The following EPHB3 variants were observed in gnomAD, a reference collection of about 807,000 sequenced individuals.
The protein encoded by EPHB3 is ephrin type-B receptor 3.
A neutral mutation model predicts 100.2 loss-of-function variants in EPHB3; 33 were observed. That is an observed-to-expected ratio of 0.33 (90% confidence interval 0.25 to 0.44). The LOEUF is 0.44. Among genes scored for constraint, EPHB3 ranks in the 20% least tolerant of loss-of-function variants. The pLI, the probability that EPHB3 is intolerant of heterozygous loss-of-function variation, is 1.00. For synonymous variants in EPHB3, 526 were observed against 554.7 expected, an observed-to-expected ratio of 0.95 and a Z score of 0.73; for missense variants, 1,045 against 1,378.3, an observed-to-expected ratio of 0.76 and a Z score of 3.83.
rs200708716 is a variant in EPHB3, at chr3:184,571,319, G to A, written c.120G>A (p.Glu40=). Residue 40 remains glutamate (E), a splice_region_variant and synonymous_variant, in exon 2 of 16, where the codon GAG becomes GAA. Coordinates refer to ENST00000330394, the MANE Select transcript of EPHB3 (RefSeq NM_004443.4). The surrounding 1 kb of genome is among the most constrained non-coding windows in gnomAD (Gnocchi z 5.0). ...CCTTTTTCTCCGTTGTTCCTCCAGA[G>A]ACCCTCATGGACACAAAATGGGTAA... is the stretch of plus-strand genomic sequence containing the variant. The part of the protein sequence containing the change: ...LLPAGCRALE[E]TLMDTKWVTS... 20 of 1,613,836 alleles carry A rather than the reference G, an allele frequency of 1.2e-5. No homozygotes were observed. The highest frequency in any genetic ancestry group is 8.3e-5 in the Admixed American group (5 of 60,004).
chr3:184,582,316 GCA>G lies in EPHB3; in HGVS notation c.*697_*698del, dbSNP rs1318035143. 1.3e-5 allele frequency: 2 copies of G among 152,834 alleles called. No homozygotes were observed. The highest frequency in any genetic ancestry group is 2.9e-5 in the Non-Finnish European group (2 of 68,416). 9.5% of individuals were successfully genotyped at this position (152,834 alleles called of 1,614,324 possible). On this transcript the variant is annotated 3_prime_UTR_variant, in exon 16 of 16. Coordinates refer to ENST00000330394, the MANE Select transcript of EPHB3 (RefSeq NM_004443.4). ...CGTGTGTGTGTGCACGCACTGGCCT[GCA>G]CAGAGAGCATGGGTGAGCGTGTAAA...
chr3:184,579,307 G>C lies in EPHB3; in HGVS notation c.1802-170G>C, dbSNP rs776413360. On this transcript the variant is annotated intron_variant, in intron 9 of 15. Transcript: ENST00000330394. This position sits in a 1 kb window ranked among gnomAD's most constrained non-coding sequence, Gnocchi z 5.2. The stretch of plus-strand genomic sequence containing the variant: ...GAGAAAAACTAGGAGTAGAATCCTA[G>C]GTGTCTAGCCTTTATGGTCACCAGG... 6.6e-6 allele frequency among the ~76,000 whole-genome samples: 1 copy of C among 152,090 alleles called. No individual in the cohort carries two copies. Among genetic ancestry groups the C allele is most frequent in the African/African-American group, 2.4e-5 (1 of 41,412 alleles).
At position 184,571,278 on chromosome 3, in the gene EPHB3, T is replaced by G. The variant is rs767754779; in HGVS notation, c.119-40T>G. On this transcript the variant is annotated intron_variant, in intron 1 of 15. Transcript: ENST00000330394. This position sits in a 1 kb window ranked among gnomAD's most constrained non-coding sequence, Gnocchi z 5.0. The stretch of plus-strand genomic sequence containing the variant: ...TGTGATCTCTTCTGTCTCCTCAACC[T>G]GAGATTAGTCCCTGACCTTTTTCTC... 1.6e-4 allele frequency: 249 copies of G among 1,591,882 alleles called. No individual in the cohort carries two copies. The highest frequency in any genetic ancestry group is 2.0e-4 in the Non-Finnish European group (230 of 1,159,934).
intron 3 of EPHB3, chr3:184,575,025 C>A: frequency 1.8e-6 from 1 of 568,674 alleles, no homozygotes; most frequent in Non-Finnish European, 2.2e-6. Flanking sequence ...GGTTTATGCC[C>A]ATTATCCTAA....
chr3:184,573,148 G>A lies in EPHB3; in HGVS notation c.828G>A (p.Glu276=), dbSNP rs772802555. The change falls in exon 3 of 16, where the codon GAG becomes GAA. Residue 276 remains glutamate (E), a synonymous_variant. Coordinates refer to ENST00000330394, the MANE Select transcript of EPHB3 (RefSeq NM_004443.4). This position sits in a 1 kb window ranked among gnomAD's most constrained non-coding sequence, Gnocchi z 4.5. ...CCTGCACCTGTGCCACCGGCCATGA[G>A]CCAGCTGCCAAGGAGTCCCAGTGCC... ...VGACTCATGH[E]PAAKESQCRP... is the part of the protein sequence containing the mutation. 3.7e-6 allele frequency: 6 copies of A among 1,612,388 alleles called. No homozygotes were observed. The Admixed American group carries it at 8.3e-5, about 22-fold the overall frequency.
At position 184,573,243 on chromosome 3, in the gene EPHB3, G is replaced by A. The variant is rs1374854806; in HGVS notation, c.856+67G>A. On this transcript the variant is annotated intron_variant, in intron 3 of 15. Transcript: ENST00000330394. The surrounding 1 kb of genome is among the most constrained non-coding windows in gnomAD (Gnocchi z 4.5). ...CTGGGCCACAGCTACCTACCGCCCC[G>A]CCCCCCACCCCTGCTTGCTATCTGA... is the stretch of plus-strand genomic sequence containing the variant. The A allele has an allele frequency of 9.5e-6, 15 of 1,579,592 alleles. No homozygotes were observed. The highest frequency in any genetic ancestry group is 6.8e-5 in the East Asian group (3 of 44,434).
rs532935222 is a variant in EPHB3 at position 184,569,529 on chromosome 3, AC to A, written c.119-1783del. On this transcript the variant is annotated intron_variant, in intron 1 of 15. Coordinates refer to ENST00000330394, the MANE Select transcript of EPHB3 (RefSeq NM_004443.4). The surrounding 1 kb of genome is among the most constrained non-coding windows in gnomAD (Gnocchi z 5.4). ...CTGAGCATCTCGGCTTCCCTCGAGT[AC>A]CCCCCAGGCCGAATGTCTGTGTCTG... Among the ~76,000 whole-genome samples, 2 of 148,338 alleles carry A rather than the reference AC, an allele frequency of 1.3e-5. No homozygotes were observed. The highest frequency in any genetic ancestry group is 3.0e-5 in the Non-Finnish European group (2 of 67,086).
intron 1 of EPHB3, among the ~76,000 whole-genome samples, chr3:184,568,108 T>G (rs1577522626): frequency 6.6e-6 from 1 of 152,142 alleles, no homozygotes; most frequent in Non-Finnish European, 1.5e-5. Context: ...CAGGACTGGA[T>G]GCTGCGCGTG....
chr3:184,575,697 C>T, intron 3 of EPHB3, 133 bp from the exon 4 acceptor site: 1 of 1,137,110 alleles, frequency 8.8e-7, no homozygotes, highest in Non-Finnish European at 1.2e-6. Context: ...GCAATCCCAG[C>T]ATTGCCCCCA....
In EPHB3 at chr3:184,562,331, C is replaced by G; in HGVS notation, c.96C>G (p.Pro32=). 1 of 1,242,840 alleles carries G rather than the reference C, an allele frequency of 8.0e-7. No individual in the cohort carries two copies. 77.0% of individuals were successfully genotyped at this position (1,242,840 alleles called of 1,614,324 possible). A position where few individuals can be genotyped will look rare whatever the true frequency, so the allele number is the denominator to read the frequency against. ...PLLLLPLLLL[P]AGCRALEETL... is the part of the protein sequence containing the mutation. Reference sequence around the variant, plus strand: ...TGCTGCTGCCGCTGCTGCTGCTGCCCGCCGGCTGCCGGGCGCTGGAAGGTG... The same window carrying G: ...TGCTGCTGCCGCTGCTGCTGCTGCCGGCCGGCTGCCGGGCGCTGGAAGGTG... Residue 32 remains proline, a synonymous_variant, in exon 1 of 16, where the codon CCC becomes CCG. Coordinates refer to ENST00000330394, the MANE Select transcript of EPHB3 (RefSeq NM_004443.4). This position sits in a 1 kb window ranked among gnomAD's most constrained non-coding sequence, Gnocchi z 4.8.
In EPHB3 at chr3:184,565,050, C is replaced by G. The variant is rs1197721885; in HGVS notation, c.118+2697C>G. The stretch of plus-strand genomic sequence containing the variant: ...CTCTCATGTACCCCCTAGTTAGATG[C>G]TGTCTAGCACCTGGTTCCTCTTCCC... On this transcript the variant is annotated intron_variant, in intron 1 of 15. Transcript: ENST00000330394. The surrounding 1 kb of genome is among the most constrained non-coding windows in gnomAD (Gnocchi z 4.8). 6.6e-6 allele frequency among the ~76,000 whole-genome samples: 1 copy of G among 152,108 alleles called. No homozygotes were observed. Among genetic ancestry groups the G allele is most frequent in the East Asian group, 1.9e-4 (1 of 5,172 alleles).
Position 184,569,219 on chromosome 3 carries a change from T to G in EPHB3, c.119-2099T>G, listed in dbSNP as rs1185824543. On this transcript the variant is annotated intron_variant, in intron 1 of 15. Coordinates refer to ENST00000330394, the MANE Select transcript of EPHB3 (RefSeq NM_004443.4). The surrounding 1 kb of genome is among the most constrained non-coding windows in gnomAD (Gnocchi z 5.4). ...CCGGCGGGCGGACCGGCGGGAGGACTGGCTGCGGGGGCAGGGCGCGCTTGC... is the reference window on the plus strand; with the variant it reads ...CCGGCGGGCGGACCGGCGGGAGGACGGGCTGCGGGGGCAGGGCGCGCTTGC... Among the ~76,000 whole-genome samples, 1 of 150,502 alleles carries G rather than the reference T, an allele frequency of 6.6e-6. No individual in the cohort carries two copies. Among genetic ancestry groups the G allele is most frequent in the Non-Finnish European group, 1.5e-5 (1 of 67,622 alleles).
At position 184,565,143 on chromosome 3, in the gene EPHB3, A is replaced by G. The variant is rs1342953125; in HGVS notation, c.118+2790A>G. On this transcript the variant is annotated intron_variant, in intron 1 of 15. Coordinates refer to ENST00000330394, the MANE Select transcript of EPHB3 (RefSeq NM_004443.4). The surrounding 1 kb of genome is among the most constrained non-coding windows in gnomAD (Gnocchi z 4.8). ...TGTCATCAGTTTTCCATGTGGATGGAGCCTGGGTCCTTGCTTGTCCTCGTG... is the reference window on the plus strand; with the variant it reads ...TGTCATCAGTTTTCCATGTGGATGGGGCCTGGGTCCTTGCTTGTCCTCGTG... Among the ~76,000 whole-genome samples, 1 of 151,968 alleles carries G rather than the reference A, an allele frequency of 6.6e-6. No homozygotes were observed. Among genetic ancestry groups the G allele is most frequent in the Non-Finnish European group, 1.5e-5 (1 of 67,990 alleles).
At chr3:184,567,222 C>T (rs1714406478) in intron 1 of EPHB3, among the ~76,000 whole-genome samples, 1 of 152,226 alleles carries the variant, frequency 6.6e-6, no homozygotes, top group Admixed American at 6.5e-5. Flanking sequence ...GCCCCTGCTC[C>T]ACCCCAGCCT....
At chr3:184,568,691 G>A (rs1176609556) in intron 1 of EPHB3, among the ~76,000 whole-genome samples, 1 of 151,564 alleles carries the variant, frequency 6.6e-6, no homozygotes, top group Non-Finnish European at 1.5e-5. Flanking sequence ...TGGGCAGGCT[G>A]AAGGGAGCAG....
rs1394025712 is a variant in EPHB3 at position 184,565,166 on chromosome 3, G to A, written c.118+2813G>A. Among the ~76,000 whole-genome samples the A allele has an allele frequency of 6.6e-6, 1 of 152,024 alleles. No homozygotes were observed. Among genetic ancestry groups the A allele is most frequent in the Non-Finnish European group, 1.5e-5 (1 of 68,010 alleles). On this transcript the variant is annotated intron_variant, in intron 1 of 15. Transcript: ENST00000330394. The surrounding 1 kb of genome is among the most constrained non-coding windows in gnomAD (Gnocchi z 4.8). ...GGAGCCTGGGTCCTTGCTTGTCCTC[G>A]TGGTTGAAAACATGCCCTCCCCTTG...
Position 184,581,835 on chromosome 3 carries a change from G to T in EPHB3, c.*213G>T. The T allele has an allele frequency of 1.8e-6, 1 of 545,142 alleles. No homozygotes were observed. Among genetic ancestry groups the T allele is most frequent in the Non-Finnish European group, 3.2e-6 (1 of 314,686 alleles). The allele number at this position is 545,142 out of a possible 1,614,324, so 33.8% of individuals were successfully genotyped here. A position where few individuals can be genotyped will look rare whatever the true frequency, so the allele number is the denominator to read the frequency against. On this transcript the variant is annotated 3_prime_UTR_variant, in exon 16 of 16. Transcript: ENST00000330394. ...TCATATTGAAGATGGATTAGGAGAG[G>T]GGGTGATGACCCCTCCCCAAGCCCC... is the stretch of plus-strand genomic sequence containing the variant.
intron 1 of EPHB3, among the ~76,000 whole-genome samples, chr3:184,570,405 TTGTC>T (rs1364056927): frequency 2.0e-5 from 3 of 152,222 alleles, no homozygotes; most frequent in Non-Finnish European, 4.4e-5. Flanking sequence ...TGTATTTTCT[TTGTC>T]TGGGCATCAG....
Position 184,581,133 on chromosome 3 carries a change from C to G in EPHB3, c.2700C>G (p.Ala900=). The G allele has an allele frequency of 6.2e-7, 1 of 1,614,228 alleles. No homozygotes were observed. The highest frequency in any genetic ancestry group is 8.5e-7 in the Non-Finnish European group (1 of 1,180,044). ...TGGACAAGCTCATCCGCAATGCTGC[C>G]AGCCTCAAGGTCATTGCCAGCGCTC... ...NTLDKLIRNA[A]SLKVIASAQS... Residue 900 remains alanine (A), a synonymous_variant, in exon 14 of 16, where the codon GCC becomes GCG. Transcript: ENST00000330394.
Sources: gnomAD v4.1 joint callset for allele counts (sites outside exome capture counted in the v4.1 genomes callset) on GRCh38, gnomAD v4.1.1 for gene constraint, Gnocchi (gnomAD v3.1) non-coding constraint, MANE v1.5 for transcripts, NCBI Gene and HGNC (gene_info 2026-07-23, HGNC 2026-07-21) for gene names.